Variants in PTCHD1 observed in about 807,000 individuals in gnomAD.
PTCHD1 encodes patched domain-containing protein 1.
A neutral mutation model predicts 34.6 loss-of-function variants in PTCHD1; 3 were observed. The observed-to-expected ratio is 0.09, with a 90% confidence interval of 0.04 to 0.22. The LOEUF (loss-of-function observed/expected upper bound fraction) is 0.22, where lower values mean the gene tolerates loss of function less well. Ranked by LOEUF, PTCHD1 falls within the 10% of genes least tolerant of loss-of-function variation. The pLI, the probability that PTCHD1 is intolerant of heterozygous loss-of-function variation, is 1.00. For missense variants in PTCHD1, 504 were observed against 685.5 expected, an observed-to-expected ratio of 0.74 and a Z score of 2.96; for synonymous variants, 305 against 283.1, an observed-to-expected ratio of 1.08 and a Z score of -0.77.
intron 2 of PTCHD1, among the ~76,000 whole-genome samples, chrX:23,383,618 T>G (rs1253257911): frequency 9.0e-6 from 1 of 111,614 alleles, no homozygotes; most frequent in Non-Finnish European, 1.9e-5. Flanking sequence ...TTGGCAATGA[T>G]GTAAGCATAG....
At chrX:23,376,755 G>T (rs931241713) in intron 1 of PTCHD1, among the ~76,000 whole-genome samples, 8 of 111,659 alleles carry the variant, frequency 7.2e-5, no homozygotes, top group Non-Finnish European at 1.3e-4. Flanking sequence ...CTGCTAGGTG[G>T]GTGGCCTCAG....
At chrX:23,366,623 G>A (rs1326067944) in intron 1 of PTCHD1, among the ~76,000 whole-genome samples, 4 of 111,042 alleles carry the variant, frequency 3.6e-5, no homozygotes, top group Non-Finnish European at 5.7e-5. Context: ...TCTAGAAATC[G>A]TCCTTGATGA....
In PTCHD1 at chrX:23,336,643, A is replaced by G. The variant is rs1445239640; in HGVS notation, c.351+1417A>G. 5.3e-5 allele frequency among the ~76,000 whole-genome samples: 6 copies of G among 112,177 alleles called. No homozygotes were observed. In the East Asian group the frequency reaches 1.7e-3, roughly 31 times the overall value. ...ATCTTCCCACATGGAGTGGCTCATG[A>G]TATTTTTAATGGCACACATCACACA... is the stretch of plus-strand genomic sequence containing the variant. On this transcript the variant is annotated intron_variant, in intron 1 of 2. Coordinates refer to ENST00000379361, the MANE Select transcript of PTCHD1 (RefSeq NM_173495.3).
At chrX:23,381,080 T>C (rs1357524862) in intron 2 of PTCHD1, among the ~76,000 whole-genome samples, 1 of 111,992 alleles carries the variant, frequency 8.9e-6, no homozygotes, top group Non-Finnish European at 1.9e-5. Context: ...ACATGATAAA[T>C]GTATAAGAAC....
chrX:23,348,204 G>C (rs111254325), intron 1 of PTCHD1, among the ~76,000 whole-genome samples: 30 of 104,403 alleles, frequency 2.9e-4, no homozygotes, highest in African/African-American at 1.1e-3. Context: ...GCCAAGGAAA[G>C]AATCAGTGAG....
intron 1 of PTCHD1, among the ~76,000 whole-genome samples, chrX:23,370,703 TTCAAAGAAA>T (rs939170184): frequency 1.8e-5 from 2 of 111,959 alleles, no homozygotes; most frequent in Non-Finnish European, 3.8e-5. Flanking sequence ...AGCAAATCCT[TTCAAAGAAA>T]AAATGTTACC....
At chrX:23,358,050 G>A (rs189188957) in intron 1 of PTCHD1, among the ~76,000 whole-genome samples, 93 of 111,813 alleles carry the variant, frequency 8.3e-4, no homozygotes, top group African/African-American at 2.9e-3. Context: ...TCTTAATCCA[G>A]TCTATCATTG....
At chrX:23,362,978 T>G (rs1442828194) in intron 1 of PTCHD1, among the ~76,000 whole-genome samples, 1 of 112,343 alleles carries the variant, frequency 8.9e-6, no homozygotes, top group Admixed American at 9.4e-5. Context: ...ACAGCAAATA[T>G]TGCAGAAGAG....
chrX:23,347,942 T>G lies in PTCHD1; in HGVS notation c.351+12716T>G, dbSNP rs777136854. 1.6e-4 allele frequency among the ~76,000 whole-genome samples: 18 copies of G among 111,875 alleles called. No individual in the cohort carries two copies. The South Asian group carries it at 6.8e-3, about 42-fold the overall frequency. ...GGAGGGTCATTTGACCCCAGGAGTT[T>G]GAGGCTGCAGTGAGCTTTGATCACA... On this transcript the variant is annotated intron_variant, in intron 1 of 2. Coordinates refer to ENST00000379361, the MANE Select transcript of PTCHD1 (RefSeq NM_173495.3).
At chrX:23,375,481 C>A (rs987079771) in intron 1 of PTCHD1, among the ~76,000 whole-genome samples, 4 of 110,628 alleles carry the variant, frequency 3.6e-5, no homozygotes, top group African/African-American at 1.3e-4. Context: ...TTAGTAGAGA[C>A]GGGGTTTCAC....
intron 1 of PTCHD1, among the ~76,000 whole-genome samples, chrX:23,373,406 A>C (rs1922325891): frequency 8.8e-6 from 1 of 113,076 alleles, no homozygotes; most frequent in South Asian, 3.6e-4. Context: ...CACCAGGCAC[A>C]CATGTGCAGA....
intron 2 of PTCHD1, among the ~76,000 whole-genome samples, chrX:23,387,618 C>A (rs1922716984): frequency 9.0e-6 from 1 of 111,687 alleles, no homozygotes; most frequent in South Asian, 3.8e-4. Flanking sequence ...ACACTCCCGG[C>A]CCAAATTTTG....
At chrX:23,374,878 A>T (rs2272366) in intron 1 of PTCHD1, among the ~76,000 whole-genome samples, 37,227 of 110,713 alleles carry the variant, frequency 0.34, 5,351 homozygotes, top group African/African-American at 0.56. Flanking sequence ...CACCCTTTTT[A>T]ACTGATAAAT....
At chrX:23,354,672 A>T (rs1204157472) in intron 1 of PTCHD1, among the ~76,000 whole-genome samples, 1 of 105,345 alleles carries the variant, frequency 9.5e-6, no homozygotes, top group East Asian at 3.0e-4. Context: ...TCCCAGGTTC[A>T]AACTATTCTC....
Position 23,401,807 on chromosome X carries a change from G to A in PTCHD1, c.*7622G>A, listed in dbSNP as rs1427742831. 1 of 112,619 alleles carries A rather than the reference G, an allele frequency of 8.9e-6. No individual in the cohort carries two copies. Among genetic ancestry groups the A allele is most frequent in the Non-Finnish European group, 1.9e-5 (1 of 53,371 alleles). 9.3% of individuals were successfully genotyped at this position (112,619 alleles called of 1,213,427 possible). On this transcript the variant is annotated 3_prime_UTR_variant, in exon 3 of 3. Coordinates refer to ENST00000379361, the MANE Select transcript of PTCHD1 (RefSeq NM_173495.3). Reference sequence around the variant, plus strand: ...TCTTCCCCTTCTATATGTTTCTTATGCACGAGCACAGCTAAGAGCAGCCAA... The same window carrying A: ...TCTTCCCCTTCTATATGTTTCTTATACACGAGCACAGCTAAGAGCAGCCAA...
At chrX:23,365,546 C>G (rs1001240824) in intron 1 of PTCHD1, among the ~76,000 whole-genome samples, 2 of 111,115 alleles carry the variant, frequency 1.8e-5, no homozygotes, top group African/African-American at 6.6e-5. Context: ...TTAAGCAGGC[C>G]ACTTCTGTGG....
chrX:23,365,647 T>G (rs1922120908), intron 1 of PTCHD1, among the ~76,000 whole-genome samples: 1 of 111,580 alleles, frequency 9.0e-6, no homozygotes, highest in South Asian at 3.8e-4. Flanking sequence ...GGGAGGGAGC[T>G]GGGTATTTAT....
At chrX:23,366,496 G>A (rs1159238470) in intron 1 of PTCHD1, among the ~76,000 whole-genome samples, 2 of 111,488 alleles carry the variant, frequency 1.8e-5, no homozygotes, top group South Asian at 3.7e-4. Flanking sequence ...CTGAAACTTT[G>A]CCCATGCCTT....
chrX:23,354,430 CAG>C lies in PTCHD1; in HGVS notation c.351+19226_351+19227del, dbSNP rs3032246. On this transcript the variant is annotated intron_variant, in intron 1 of 2. Transcript: ENST00000379361. ...AAACATAACCTCAGCTTATTTTACA[CAG>C]AGAGAGAGAGAGAGAGAGAGAAACA... is the stretch of plus-strand genomic sequence containing the variant. 4.7e-3 allele frequency among the ~76,000 whole-genome samples: 459 copies of C among 98,588 alleles called. 4 individuals carry two copies. Among genetic ancestry groups the C allele is most frequent in the Admixed American group, 0.02 (182 of 9,143 alleles). 85.6% of individuals were successfully genotyped at this position (98,588 alleles called of 115,157 possible). A position where few individuals can be genotyped will look rare whatever the true frequency, so the allele number is the denominator to read the frequency against.
Sources: allele counts gnomAD v4.1 joint callset (sites outside exome capture counted in the v4.1 genomes callset), GRCh38; gene constraint gnomAD v4.1.1; transcripts MANE v1.5; gene names NCBI Gene and HGNC (gene_info 2026-07-23, HGNC 2026-07-21).